Variants in TTC7A observed in about 807,000 individuals in gnomAD.
TTC7A encodes the protein tetratricopeptide repeat protein 7A.
In TTC7A, 110 loss-of-function variants were observed where a neutral mutation model predicts 103.7. That is an observed-to-expected ratio of 1.06 (90% confidence interval 0.91 to 1.24). TTC7A has a LOEUF of 1.24. Among genes scored for constraint, TTC7A ranks in the 50% most tolerant of loss-of-function variants. The pLI, the probability that TTC7A is intolerant of heterozygous loss-of-function variation, is 0.00. For synonymous variants in TTC7A, 521 were observed against 467.9 expected (o/e 1.11, Z -1.47); for missense variants, 1,340 against 1,116.3 (o/e 1.20, Z -2.86).
intron 2 of TTC7A, among the ~76,000 whole-genome samples, chr2:46,928,374 G>C (rs1669510288): frequency 6.8e-6 from 1 of 147,530 alleles, no homozygotes; most frequent in Non-Finnish European, 1.5e-5. Flanking sequence ...AGTATCACAA[G>C]ACTGAAATCA....
chr2:47,010,938 G>A (rs1392016245), intron 10 of TTC7A, among the ~76,000 whole-genome samples: 1 of 152,186 alleles, frequency 6.6e-6, no homozygotes, highest in African/African-American at 2.4e-5. Context: ...GAGTTCAAGT[G>A]ATCTGCCTGC....
rs369522969 is a variant in TTC7A at position 47,029,191 on chromosome 2, G to A, written c.1642-33G>A. On this transcript the variant is annotated intron_variant, in intron 14 of 19. Transcript: ENST00000319190. ...CTGAGTCCCAGGGCAGCATGTGCCTGGGGAAGGCTAACCTGGCGGGTTCCT... is the reference window on the plus strand; with the variant it reads ...CTGAGTCCCAGGGCAGCATGTGCCTAGGGAAGGCTAACCTGGCGGGTTCCT... 4.1e-5 allele frequency: 66 copies of A among 1,610,966 alleles called. 1 individual carries two copies. The highest frequency in any genetic ancestry group is 3.5e-4 in the South Asian group (32 of 90,990).
intron 1 of TTC7A, among the ~76,000 whole-genome samples, chr2:46,944,780 A>G (rs546994086): frequency 4.6e-5 from 7 of 152,272 alleles, no homozygotes; most frequent in South Asian, 2.1e-4. Flanking sequence ...GGCTTAAGCT[A>G]TTCTCCTACC....
chr2:46,960,741 G>C (rs1012064693), intron 3 of TTC7A, among the ~76,000 whole-genome samples: 1 of 152,220 alleles, frequency 6.6e-6, no homozygotes, highest in Non-Finnish European at 1.5e-5. Context: ...AGTTCACGCA[G>C]CCTATAAGTA....
chr2:46,979,058 C>T (rs907513824), intron 5 of TTC7A, 151 bp downstream of exon 5: 11 of 596,804 alleles, frequency 1.8e-5, no homozygotes, highest in Non-Finnish European at 2.7e-5. Flanking sequence ...CACATCTTGT[C>T]AGACAGGAGT....
intron 5 of TTC7A, among the ~76,000 whole-genome samples, chr2:46,980,963 G>A (rs1357431770): frequency 4.6e-5 from 7 of 152,168 alleles, no homozygotes; most frequent in African/African-American, 9.7e-5. Flanking sequence ...GAAGGCATGC[G>A]GAGCGTCCAG....
At chr2:46,930,801 G>T (rs891067528) in intron 2 of TTC7A, among the ~76,000 whole-genome samples, 3 of 152,080 alleles carry the variant, frequency 2.0e-5, no homozygotes, top group Non-Finnish European at 4.4e-5. Context: ...CACCCAGCCT[G>T]AAGTCCTATA....
chr2:46,950,349 A>T lies in TTC7A; in HGVS notation c.185-14A>T, dbSNP rs370585197. On this transcript the variant is annotated splice_polypyrimidine_tract_variant and intron_variant, in intron 1 of 19. Coordinates refer to ENST00000319190, the MANE Select transcript of TTC7A (RefSeq NM_020458.4). ...TTCGGGGTTTGCTGCTCTGACCCCT[A>T]CTTTGCTTTTCAGATGACTTTGGGA... 32 of 1,613,750 alleles carry T rather than the reference A, an allele frequency of 2.0e-5. No individual in the cohort carries two copies. Among genetic ancestry groups the T allele is most frequent in the Non-Finnish European group, 2.7e-5 (32 of 1,179,920 alleles).
chr2:47,074,142 T>TA lies in TTC7A; in HGVS notation c.*221dup, dbSNP rs1685026652. On this transcript the variant is annotated 3_prime_UTR_variant, in exon 20 of 20. Coordinates refer to ENST00000319190, the MANE Select transcript of TTC7A (RefSeq NM_020458.4). ...TTGGGAAACAGTCTGACTTGAACCC[T>TA]AAGTGCCTTTGGAGAGTTTTGTGGT... 1.7e-6 allele frequency: 1 copy of TA among 580,206 alleles called. No homozygotes were observed. The highest frequency in any genetic ancestry group is 3.1e-5 in the Admixed American group (1 of 32,670). 35.9% of individuals were successfully genotyped at this position (580,206 alleles called of 1,614,324 possible).
intron 1 of TTC7A, 96 bp from the exon 2 acceptor site, chr2:46,950,267 G>C: frequency 7.7e-7 from 1 of 1,302,174 alleles, no homozygotes; most frequent in Non-Finnish European, 1.1e-6. Context: ...TTCATGTACT[G>C]GGTATGGGTG....
intron 18 of TTC7A, among the ~76,000 whole-genome samples, chr2:47,053,547 G>GTTGT (rs59430958): frequency 1.4e-5 from 1 of 72,380 alleles, no homozygotes; most frequent in Non-Finnish European, 2.4e-5. Flanking sequence ...TGTTTGTTTG[G>GTTGT]TTGGTTGGTT....
intron 19 of TTC7A, among the ~76,000 whole-genome samples, chr2:47,064,147 G>A (rs1026477191): frequency 1.3e-5 from 2 of 152,234 alleles, no homozygotes; most frequent in Non-Finnish European, 2.9e-5. Context: ...GCAGTTCTCT[G>A]CTAGGCAAGA....
chr2:46,928,159 C>T lies in TTC7A; in HGVS notation c.82+10882C>T, dbSNP rs549209197. 6.8e-4 allele frequency among the ~76,000 whole-genome samples: 103 copies of T among 151,658 alleles called. 3 individuals carry two copies. In the South Asian group the frequency reaches 0.011, roughly 17 times the overall value. On this transcript the variant is annotated intron_variant, in intron 2 of 20. Coordinates refer to the TTC7A transcript ENST00000409245. ...TGCCCACCTTAACCTCCCAAAGTGCCGGGATTACAGGCGTGAGTCATTGCA... is the reference window on the plus strand; with the variant it reads ...TGCCCACCTTAACCTCCCAAAGTGCTGGGATTACAGGCGTGAGTCATTGCA...
intron 2 of TTC7A, among the ~76,000 whole-genome samples, chr2:46,923,059 C>T (rs992218504): frequency 8.5e-5 from 13 of 152,210 alleles, no homozygotes; most frequent in African/African-American, 2.9e-4. Flanking sequence ...TGGAAGGGTC[C>T]TGAGCACAGG....
chr2:46,996,322 A>G (rs1676177411), intron 8 of TTC7A, among the ~76,000 whole-genome samples: 1 of 152,220 alleles, frequency 6.6e-6, no homozygotes, highest in Non-Finnish European at 1.5e-5. Flanking sequence ...GCTGGGAACC[A>G]CCAGGTTGAG....
chr2:47,011,528 A>C, intron 11 of TTC7A, 93 bp downstream of exon 11: 1 of 993,634 alleles, frequency 1.0e-6, no homozygotes, highest in South Asian at 1.6e-5. Context: ...GTGTGGGTGC[A>C]TGCCGAAGGT....
chr2:46,985,128 C>T (rs1010274981), intron 5 of TTC7A, among the ~76,000 whole-genome samples: 7 of 152,142 alleles, frequency 4.6e-5, no homozygotes, highest in East Asian at 3.9e-4. Flanking sequence ...GTTGACTGAC[C>T]GTCACCCCCC....
chr2:46,951,312 GA>G (rs941436371), intron 2 of TTC7A, among the ~76,000 whole-genome samples: 40 of 142,748 alleles, frequency 2.8e-4, no homozygotes, highest in African/African-American at 5.6e-4. Context: ...GCAATTAAGA[GA>G]AAAAAAAAAA....
intron 2 of TTC7A, chr2:46,917,339 C>A: frequency 1.6e-6 from 1 of 609,944 alleles, no homozygotes. Flanking sequence ...TAATTCAAGA[C>A]CCATTCTTCT....
Sources: gnomAD v4.1 joint callset for allele counts (sites outside exome capture counted in the v4.1 genomes callset) on GRCh38, gnomAD v4.1.1 for gene constraint, MANE v1.5 for transcripts, NCBI Gene and HGNC (gene_info 2026-07-23, HGNC 2026-07-21) for gene names.